The following CELF2 variants were observed in gnomAD, a reference collection of about 807,000 sequenced individuals.
CELF2 encodes the protein CUG triplet repeat RNA-binding protein 2.
CELF2 carries 8 observed loss-of-function variants against 62.6 expected under a neutral mutation model. The observed-to-expected ratio is 0.13, with a 90% CI of 0.07 to 0.23. The LOEUF is 0.23. Ranked by LOEUF, CELF2 falls within the 10% of genes least tolerant of loss-of-function variation. CELF2 has a pLI of 1.00. For missense variants in CELF2, 333 were observed against 671.0 expected, an observed-to-expected ratio of 0.50 and a Z score of 5.56; for synonymous variants, 258 against 250.0, an observed-to-expected ratio of 1.03 and a Z score of -0.30.
chr10:11,222,052 A>G (rs994711055), intron 3 of CELF2, among the ~76,000 whole-genome samples: 1 of 152,218 alleles, frequency 6.6e-6, no homozygotes, highest in Non-Finnish European at 1.5e-5. Flanking sequence ...GCCCTGGAAG[A>G]GATAATGGAC....
At chr10:11,002,952 A>G (rs532797611), upstream of CELF2, among the ~76,000 whole-genome samples, 103 of 152,322 alleles carry the variant, frequency 6.8e-4, 1 homozygote, top group South Asian at 3.9e-3. The surrounding 1 kb of genome is among the most constrained non-coding windows in gnomAD (Gnocchi z 4.4). Flanking sequence ...GATAAGGGAA[A>G]AATATTCTAG....
Position 11,242,048 on chromosome 10 carries a change from G to A in CELF2, c.355-7105G>A, listed in dbSNP as rs780938452. Among the ~76,000 whole-genome samples, 22 of 152,040 alleles carry A rather than the reference G, an allele frequency of 1.4e-4. No individual in the cohort carries two copies. Among genetic ancestry groups the A allele is most frequent in the Non-Finnish European group, 1.8e-4 (12 of 67,990 alleles). On this transcript the variant is annotated intron_variant, in intron 3 of 12. Coordinates refer to ENST00000633077, the MANE Select transcript of CELF2 (RefSeq NM_001326342.2). The surrounding 1 kb of genome is among the most constrained non-coding windows in gnomAD (Gnocchi z 4.8). Reference sequence around the variant, plus strand: ...GGTCTTTACTGGCCATAATATTTTCGTTTTCTCAGTTGGCACATAGCTCTT... The same window carrying A: ...GGTCTTTACTGGCCATAATATTTTCATTTTCTCAGTTGGCACATAGCTCTT...
the CELF2 span, among the ~76,000 whole-genome samples, chr10:10,609,458 G>GCA: frequency 6.6e-6 from 1 of 152,086 alleles, no homozygotes; most frequent in African/African-American, 2.4e-5. Flanking sequence ...CACCGCGCGT[G>GCA]CACACACACA....
intron 2 of CELF2, among the ~76,000 whole-genome samples, chr10:11,192,561 A>G (rs769338724): frequency 6.6e-6 from 1 of 152,236 alleles, no homozygotes; most frequent in South Asian, 2.1e-4. Context: ...TCACCTCCCC[A>G]TAACAGCTGT....
intron 1 of CELF2, among the ~76,000 whole-genome samples, chr10:11,074,704 A>G (rs2071316504): frequency 6.6e-6 from 1 of 152,214 alleles, no homozygotes; most frequent in Admixed American, 6.5e-5. Flanking sequence ...CAACCAGTGC[A>G]GCTGAGAGCA....
intron 2 of CELF2, among the ~76,000 whole-genome samples, chr10:10,956,118 G>C (rs1055821129): frequency 9.9e-5 from 15 of 152,200 alleles, no homozygotes; most frequent in African/African-American, 3.6e-4. Context: ...TCTGTTTACA[G>C]ATATTTTTAT....
At chr10:10,725,614 G>A in the CELF2 span, among the ~76,000 whole-genome samples, 1 of 152,126 alleles carries the variant, frequency 6.6e-6, no homozygotes, top group South Asian at 2.1e-4. Flanking sequence ...AGAGCCAGAC[G>A]GACTTGTTTT....
At chr10:10,884,224 A>G (rs554093794) in intron 1 of CELF2, among the ~76,000 whole-genome samples, 3 of 152,210 alleles carry the variant, frequency 2.0e-5, no homozygotes, top group Non-Finnish European at 2.9e-5. Context: ...GCTCTGTAAC[A>G]GTGACTCTAT....
At chr10:10,863,504 T>G (rs1206278254) in intron 1 of CELF2, among the ~76,000 whole-genome samples, 6 of 152,196 alleles carry the variant, frequency 3.9e-5, no homozygotes, top group Non-Finnish European at 7.3e-5. Flanking sequence ...CTCTAAACCT[T>G]GGTTGTCTTA....
chr10:10,986,722 C>T (rs1592750816), intron 2 of CELF2, among the ~76,000 whole-genome samples: 2 of 152,154 alleles, frequency 1.3e-5, no homozygotes, highest in South Asian at 2.1e-4. Context: ...ACAACTGTAA[C>T]GGGCATTTCC....
chr10:10,977,988 T>C (rs1209318887), intron 2 of CELF2, among the ~76,000 whole-genome samples: 2 of 151,886 alleles, frequency 1.3e-5, no homozygotes, highest in South Asian at 2.1e-4. Context: ...AGTTAATATA[T>C]GAAGAAGGAA....
chr10:10,599,448 GC>G, the CELF2 span, among the ~76,000 whole-genome samples: 1 of 152,188 alleles, frequency 6.6e-6, no homozygotes, highest in African/African-American at 2.4e-5. Context: ...ATATTTACTA[GC>G]AGTAGGCAAA....
chr10:10,812,312 C>G (rs372414346), intron 1 of CELF2, among the ~76,000 whole-genome samples: 1 of 152,104 alleles, frequency 6.6e-6, no homozygotes, highest in African/African-American at 2.4e-5. Context: ...ACCATGAGAA[C>G]GGTATGGGTG....
At chr10:11,218,368 G>A (rs1372116088) in intron 3 of CELF2, among the ~76,000 whole-genome samples, 1 of 152,080 alleles carries the variant, frequency 6.6e-6, no homozygotes, top group Non-Finnish European at 1.5e-5. Context: ...ATGTTTTCAG[G>A]GTATAATTCT....
rs2056201814 is a variant in CELF2 at position 11,010,242 on chromosome 10, T to TA, written c.53+4807dup. On this transcript the variant is annotated intron_variant, in intron 1 of 12. Coordinates refer to the CELF2 transcript ENST00000416382. The surrounding 1 kb of genome is among the most constrained non-coding windows in gnomAD (Gnocchi z 4.1). The stretch of plus-strand genomic sequence containing the variant: ...ACCTTGTTTATGAAAAACGATTTGA[T>TA]AAAAACGAATGGAGACCCCATTCCA... 6.6e-6 allele frequency: 1 copy of TA among 152,152 alleles called. No homozygotes were observed. The highest frequency in any genetic ancestry group is 2.4e-5 in the African/African-American group (1 of 41,438). The allele number at this position is 152,152 out of a possible 1,614,324, so 9.4% of individuals were successfully genotyped here.
chr10:11,098,020 C>T lies in CELF2; in HGVS notation c.75-67466C>T, dbSNP rs2050384861. The T allele has an allele frequency of 6.6e-6, 1 of 152,320 alleles. No individual in the cohort carries two copies. The highest frequency in any genetic ancestry group is 6.5e-5 in the Admixed American group (1 of 15,292). The allele number at this position is 152,320 out of a possible 1,614,324, so 9.4% of individuals were successfully genotyped here. On this transcript the variant is annotated intron_variant, in intron 1 of 12. Coordinates refer to ENST00000633077, the MANE Select transcript of CELF2 (RefSeq NM_001326342.2). The surrounding 1 kb of genome is among the most constrained non-coding windows in gnomAD (Gnocchi z 4.0). ...AAGCCACACTAACAGTGAGCACTCA[C>T]CACAGGCTGTGAGGCCTCATCACTG... is the stretch of plus-strand genomic sequence containing the variant.
At chr10:11,199,408 A>C (rs1004265492) in intron 2 of CELF2, among the ~76,000 whole-genome samples, 4 of 152,010 alleles carry the variant, frequency 2.6e-5, no homozygotes, top group African/African-American at 7.3e-5. Flanking sequence ...CATCCTTGCT[A>C]TTGCTACCTG....
the CELF2 span, among the ~76,000 whole-genome samples, chr10:10,791,633 G>A: frequency 6.6e-6 from 1 of 152,034 alleles, no homozygotes; most frequent in Non-Finnish European, 1.5e-5. Flanking sequence ...AAAGCTTCTA[G>A]TTCAGTATAG....
At chr10:11,262,332 A>T (rs2080896818) in intron 5 of CELF2, among the ~76,000 whole-genome samples, 1 of 152,174 alleles carries the variant, frequency 6.6e-6, no homozygotes, top group South Asian at 2.1e-4. Context: ...TGAGCCTGGG[A>T]GTTCAAGACC....
Sources: gnomAD v4.1 joint callset for allele counts (sites outside exome capture counted in the v4.1 genomes callset) on GRCh38, gnomAD v4.1.1 for gene constraint, Gnocchi (gnomAD v3.1) non-coding constraint, MANE v1.5 for transcripts, NCBI Gene and HGNC (gene_info 2026-07-23, HGNC 2026-07-21) for gene names.